The following TTC28 variants were observed in gnomAD, a reference collection of about 807,000 sequenced individuals.
TTC28 encodes the protein tetratricopeptide repeat domain 28, also known as tetratricopeptide repeat protein 28.
Under a neutral mutation model 198.0 loss-of-function variants are expected in TTC28, and 61 were observed. That is an observed-to-expected ratio of 0.31 (90% confidence interval 0.25 to 0.38). The LOEUF is 0.38. Among genes scored for constraint, TTC28 ranks in the 10% least tolerant of loss-of-function variants. The pLI is 1.00. For synonymous variants in TTC28, 1,171 were observed against 1,297.8 expected (o/e 0.90, Z 2.10); for missense variants, 2,678 against 3,164.0 (o/e 0.85, Z 3.69).
At chr22:28,067,102 T>C (rs1940786006) in intron 12 of TTC28, among the ~76,000 whole-genome samples, 2 of 152,214 alleles carry the variant, frequency 1.3e-5, no homozygotes, top group Admixed American at 1.3e-4. Context: ...TGGCAGCAGC[T>C]ACATTAGACT....
chr22:28,179,967 G>T (rs1047775492), intron 5 of TTC28, among the ~76,000 whole-genome samples: 1 of 152,050 alleles, frequency 6.6e-6, no homozygotes, highest in African/African-American at 2.4e-5. Flanking sequence ...TAAGAATACC[G>T]TTCTAAAATC....
At chr22:28,501,984 T>C (rs2048543943) in intron 2 of TTC28, among the ~76,000 whole-genome samples, 1 of 152,208 alleles carries the variant, frequency 6.6e-6, no homozygotes, top group South Asian at 2.1e-4. Context: ...AGCTGATTGG[T>C]ACTAAAAGCA....
chr22:28,560,263 C>A (rs1445704998), intron 2 of TTC28, among the ~76,000 whole-genome samples: 1 of 152,190 alleles, frequency 6.6e-6, no homozygotes, highest in Non-Finnish European at 1.5e-5. Flanking sequence ...TCTAAGTTAT[C>A]ATTTCTTTCC....
At chr22:28,400,078 T>C (rs568988555) in intron 2 of TTC28, among the ~76,000 whole-genome samples, 130 of 152,342 alleles carry the variant, frequency 8.5e-4, no homozygotes, top group African/African-American at 3.0e-3. Context: ...CAACAAAATA[T>C]TTCATTCTAC....
chr22:28,126,745 C>G (rs1942923185), intron 6 of TTC28, among the ~76,000 whole-genome samples: 1 of 152,178 alleles, frequency 6.6e-6, no homozygotes, highest in African/African-American at 2.4e-5. Flanking sequence ...CTTCCATGGT[C>G]AAGTGAGTAT....
intron 2 of TTC28, among the ~76,000 whole-genome samples, chr22:28,550,189 CAGA>C (rs2049637116): frequency 6.6e-6 from 1 of 152,096 alleles, no homozygotes. Flanking sequence ...TGACATTTTG[CAGA>C]AGTAGATGTT....
intron 2 of TTC28, among the ~76,000 whole-genome samples, chr22:28,386,231 C>T (rs2046585167): frequency 3.2e-5 from 4 of 126,868 alleles, no homozygotes; most frequent in Admixed American, 1.0e-4. Context: ...GCCGAGATCC[C>T]GCCACTGCAC....
chr22:28,218,783 G>C (rs896330082), intron 5 of TTC28, among the ~76,000 whole-genome samples: 5 of 151,992 alleles, frequency 3.3e-5, no homozygotes, highest in Admixed American at 6.6e-5. Flanking sequence ...ACATTTTTAA[G>C]TCAAACTGGC....
intron 12 of TTC28, among the ~76,000 whole-genome samples, chr22:28,035,694 T>C (rs1376561959): frequency 6.6e-6 from 1 of 152,232 alleles, no homozygotes; most frequent in Non-Finnish European, 1.5e-5. Flanking sequence ...CATGAGACTT[T>C]GGGAACTCTA....
At chr22:28,252,867 C>T (rs1040315734) in intron 5 of TTC28, among the ~76,000 whole-genome samples, 12 of 152,156 alleles carry the variant, frequency 7.9e-5, no homozygotes, top group Admixed American at 7.9e-4. Flanking sequence ...CCCAAAAGAA[C>T]AGCATAAAAT....
intron 5 of TTC28, among the ~76,000 whole-genome samples, chr22:28,275,232 G>A (rs1010028097): frequency 6.6e-5 from 10 of 152,120 alleles, no homozygotes; most frequent in Non-Finnish European, 1.5e-4. Context: ...CATCAGTCTG[G>A]TAAAAGCTTT....
At chr22:28,042,204 G>A (rs563067034) in intron 12 of TTC28, among the ~76,000 whole-genome samples, 26 of 151,698 alleles carry the variant, frequency 1.7e-4, no homozygotes, top group South Asian at 1.2e-3. Context: ...TAGAAATACC[G>A]TTTGACCCAG....
intron 12 of TTC28, among the ~76,000 whole-genome samples, chr22:28,049,892 G>A (rs1940019025): frequency 6.6e-6 from 1 of 152,150 alleles, no homozygotes; most frequent in South Asian, 2.1e-4. Context: ...GTATCTCTGG[G>A]CCCTTCCACT....
At chr22:28,026,581 C>T (rs1938844554) in intron 13 of TTC28, among the ~76,000 whole-genome samples, 1 of 152,184 alleles carries the variant, frequency 6.6e-6, no homozygotes, top group Non-Finnish European at 1.5e-5. Flanking sequence ...GAAGGACCCC[C>T]AACCAAGCTG....
intron 1 of TTC28, among the ~76,000 whole-genome samples, chr22:28,630,486 T>G (rs1290151841): frequency 1.3e-5 from 2 of 152,150 alleles, no homozygotes; most frequent in Non-Finnish European, 1.5e-5. Flanking sequence ...GTTTTTGTTG[T>G]TGTTGTTTTT....
In TTC28 at chr22:28,043,907, C is replaced by T. The variant is rs557317737; in HGVS notation, c.3933-13541G>A. On this transcript the variant is annotated intron_variant, in intron 12 of 22. Coordinates refer to ENST00000397906, the MANE Select transcript of TTC28 (RefSeq NM_001145418.2). ...ACACCAGAGCAAGATGTGCTAGAAC[C>T]ACCCATGAGGGCAGAGACAAGTGAA... is the stretch of plus-strand genomic sequence containing the variant. 9.5e-4 allele frequency among the ~76,000 whole-genome samples: 144 copies of T among 152,266 alleles called. 1 individual carries two copies. Among genetic ancestry groups the T allele is most frequent in the African/African-American group, 3.3e-3 (137 of 41,540 alleles).
rs184087237 is a variant in TTC28, at chr22:28,542,547, A to G, written c.381+87005T>C. On this transcript the variant is annotated intron_variant, in intron 2 of 22. Coordinates refer to ENST00000397906, the MANE Select transcript of TTC28 (RefSeq NM_001145418.2). ...AACTGTAAACTTTAAAATGGTTAAA[A>G]TGTTCAATTCTATGTTATGTATATT... is the stretch of plus-strand genomic sequence containing the variant. Among the ~76,000 whole-genome samples the G allele has an allele frequency of 3.9e-3, 588 of 152,310 alleles. 8 individuals are homozygous for G. In the South Asian group the frequency reaches 0.046, roughly 12 times the overall value.
chr22:28,577,815 A>G (rs942508756), intron 2 of TTC28, among the ~76,000 whole-genome samples: 2 of 151,876 alleles, frequency 1.3e-5, no homozygotes, highest in Non-Finnish European at 2.9e-5. Flanking sequence ...ATTTGCATGG[A>G]GTATCTTTTT....
chr22:28,599,768 T>C (rs2146115404), intron 2 of TTC28, among the ~76,000 whole-genome samples: 1 of 152,300 alleles, frequency 6.6e-6, no homozygotes, highest in East Asian at 1.9e-4. Flanking sequence ...AAGGTCCTAT[T>C]TTCAATAAAA....
Sources: allele counts gnomAD v4.1 joint callset (sites outside exome capture counted in the v4.1 genomes callset), GRCh38; gene constraint gnomAD v4.1.1; transcripts MANE v1.5; gene names NCBI Gene and HGNC (gene_info 2026-07-23, HGNC 2026-07-21).